CSMD2: variants seen among roughly 807,000 people sequenced by gnomAD.
CSMD2 encodes the protein CUB and sushi domain-containing protein 2.
In CSMD2, 130 loss-of-function variants were observed where a neutral mutation model predicts 398.5. The observed-to-expected ratio is 0.33, with a 90% CI of 0.28 to 0.38. CSMD2 has a LOEUF of 0.38. Among genes scored for constraint, CSMD2 ranks in the 10% least tolerant of loss-of-function variants. The pLI is 1.00. For synonymous variants in CSMD2, 1,828 were observed against 1,908.5 expected, an observed-to-expected ratio of 0.96 and a Z score of 1.10; for missense variants, 3,829 against 4,764.9, an observed-to-expected ratio of 0.80 and a Z score of 5.78.
chr1:34,046,896 C>T (rs1161125770), intron 2 of CSMD2, among the ~76,000 whole-genome samples: 2 of 152,116 alleles, frequency 1.3e-5, no homozygotes. Flanking sequence ...TTCTCATCAC[C>T]TTCATTACTA....
At chr1:34,105,418 C>T (rs1041731515) in intron 1 of CSMD2, among the ~76,000 whole-genome samples, 40 of 152,192 alleles carry the variant, frequency 2.6e-4, no homozygotes, top group African/African-American at 8.4e-4. Flanking sequence ...AATTCTTAGC[C>T]ATATTGGAGT....
chr1:34,152,240 G>A (rs1557437284), intron 1 of CSMD2, among the ~76,000 whole-genome samples: 1 of 152,132 alleles, frequency 6.6e-6, no homozygotes, highest in Non-Finnish European at 1.5e-5. Flanking sequence ...CATGGAATGG[G>A]TTTCATGTAC....
intron 1 of CSMD2, among the ~76,000 whole-genome samples, chr1:34,118,824 C>T (rs1443115172): frequency 6.6e-6 from 1 of 152,150 alleles, no homozygotes; most frequent in Non-Finnish European, 1.5e-5. Flanking sequence ...AGTTGGAAGA[C>T]TTAATGTTGT....
chr1:34,012,367 G>T (rs781740682), intron 3 of CSMD2, among the ~76,000 whole-genome samples: 1 of 151,992 alleles, frequency 6.6e-6, no homozygotes. Context: ...CCCCAGATCC[G>T]TCTTATCCTC....
At position 33,517,377 on chromosome 1, in the gene CSMD2, C is replaced by T. The variant is rs191612911; in HGVS notation, c.*54-807G>A. 1.3e-3 allele frequency among the ~76,000 whole-genome samples: 191 copies of T among 152,248 alleles called. 1 individual carries two copies. The highest frequency in any genetic ancestry group is 4.2e-3 in the African/African-American group (174 of 41,532). ...AGCCGACCCGGAGGTGACAGCATGG[C>T]GCACACCAGCACCTGGAACCCAGCA... On this transcript the variant is annotated intron_variant, in intron 70 of 70. Coordinates refer to ENST00000373381, the MANE Select transcript of CSMD2 (RefSeq NM_001281956.2).
intron 4 of CSMD2, among the ~76,000 whole-genome samples, chr1:33,932,911 G>C (rs1480575905): frequency 1.3e-5 from 2 of 152,192 alleles, no homozygotes; most frequent in Non-Finnish European, 2.9e-5. Flanking sequence ...ATGGGCTCAA[G>C]GTGCAGGCAG....
chr1:33,701,502 A>G (rs1645611923), intron 22 of CSMD2, among the ~76,000 whole-genome samples: 1 of 152,270 alleles, frequency 6.6e-6, no homozygotes, highest in Non-Finnish European at 1.5e-5. Context: ...GTAAATATCA[A>G]AGATGGGATC....
chr1:34,042,729 G>A (rs540110324), intron 2 of CSMD2, among the ~76,000 whole-genome samples: 2 of 152,304 alleles, frequency 1.3e-5, no homozygotes, highest in South Asian at 4.1e-4. Context: ...GACCTGGCCT[G>A]CCTTTCTTTC....
At chr1:33,570,004 G>GGTGA (rs1309863484) in intron 51 of CSMD2, among the ~76,000 whole-genome samples, 1 of 152,174 alleles carries the variant, frequency 6.6e-6, no homozygotes, top group African/African-American at 2.4e-5. Flanking sequence ...TGATGTATGA[G>GGTGA]GTGAGGCCTA....
At chr1:33,625,336 A>G in intron 33 of CSMD2, 82 bp from the exon 34 acceptor site, 1 of 1,322,218 alleles carries the variant, frequency 7.6e-7, no homozygotes, top group Non-Finnish European at 1.1e-6. Context: ...GTCTGGAACA[A>G]AGACCGTCTG....
chr1:33,861,401 G>A (rs1364113167), intron 5 of CSMD2: 1 of 152,172 alleles, frequency 6.6e-6, no homozygotes, highest in Non-Finnish European at 1.5e-5. Flanking sequence ...CAGAAACCCT[G>A]TGGTTCACCA....
intron 2 of CSMD2, among the ~76,000 whole-genome samples, chr1:34,066,886 G>A (rs1056768662): frequency 2.0e-5 from 3 of 152,138 alleles, no homozygotes; most frequent in East Asian, 1.9e-4. Flanking sequence ...GGTGGAGAGC[G>A]ACACTCAATC....
chr1:34,136,779 A>G (rs1638793942), intron 1 of CSMD2, among the ~76,000 whole-genome samples: 1 of 152,110 alleles, frequency 6.6e-6, no homozygotes, highest in African/African-American at 2.4e-5. Flanking sequence ...TCTACCAACC[A>G]TGGGTCTTTC....
intron 5 of CSMD2, among the ~76,000 whole-genome samples, chr1:33,877,884 G>A (rs539589407): frequency 6.6e-6 from 1 of 152,178 alleles, no homozygotes; most frequent in South Asian, 2.1e-4. Context: ...CAGCTATACT[G>A]GTACAAGCTG....
rs79853053 is a variant in CSMD2, at chr1:34,145,869, G to A, written c.187+19042C>T. Among the ~76,000 whole-genome samples the A allele has an allele frequency of 3.4e-3, 517 of 152,196 alleles. 1 individual carries two copies. The highest frequency in any genetic ancestry group is 0.024 in the East Asian group (125 of 5,172). ...GTAGAACAAGCCCCCCATCATTCTC[G>A]TGCCAAGAGCTGGCTGGGAAAGTGG... On this transcript the variant is annotated intron_variant, in intron 1 of 70. Coordinates refer to ENST00000373381, the MANE Select transcript of CSMD2 (RefSeq NM_001281956.2).
intron 46 of CSMD2, among the ~76,000 whole-genome samples, chr1:33,585,034 G>A (rs984469060): frequency 6.6e-6 from 1 of 152,136 alleles, no homozygotes; most frequent in African/African-American, 2.4e-5. Flanking sequence ...GCAATTTCAG[G>A]ACCATCCACC....
At chr1:33,672,051 C>A (rs528316334) in intron 25 of CSMD2, among the ~76,000 whole-genome samples, 2 of 152,318 alleles carry the variant, frequency 1.3e-5, no homozygotes, top group African/African-American at 2.4e-5. Flanking sequence ...CAGCTCCCAG[C>A]ATGAGTGATG....
intron 2 of CSMD2, 89 bp from the exon 3 acceptor site, chr1:34,032,795 CA>C (rs1318586448): frequency 1.2e-6 from 1 of 844,388 alleles, no homozygotes; most frequent in Non-Finnish European, 1.9e-6. Context: ...GCTGGATACA[CA>C]GTGCTGATCT....
chr1:33,624,564 G>A lies in CSMD2; in HGVS notation c.5580C>T (p.Leu1860=). 2 of 1,614,044 alleles carry A rather than the reference G, an allele frequency of 1.2e-6. No homozygotes were observed. The highest frequency in any genetic ancestry group is 1.7e-6 in the Non-Finnish European group (2 of 1,179,944). The part of the protein sequence containing the change: ...PGFPEPYLNS[L]NCVWKIVVPE... ...GGACCACGATCTTCCACACACAGTT[G>A]AGGCTGTTGAGGTACGGCTCTGGGA... The change falls in exon 35 of 71, where the codon CTC becomes CTT. Residue 1860 remains leucine, a synonymous_variant. Coordinates refer to ENST00000373381, the MANE Select transcript of CSMD2 (RefSeq NM_001281956.2). This position sits in a 1 kb window ranked among gnomAD's most constrained non-coding sequence, Gnocchi z 4.7.
Sources: gnomAD v4.1 joint callset for allele counts (sites outside exome capture counted in the v4.1 genomes callset) on GRCh38, gnomAD v4.1.1 for gene constraint, Gnocchi (gnomAD v3.1) non-coding constraint, MANE v1.5 for transcripts, NCBI Gene and HGNC (gene_info 2026-07-23, HGNC 2026-07-21) for gene names.